CFDP1: variants seen among roughly 807,000 people sequenced by gnomAD.
The protein encoded by CFDP1 is heterochromatin-stabilizing protein CFDP1.
CFDP1 carries 31 observed loss-of-function variants against 40.1 expected under a neutral mutation model. That is an observed-to-expected ratio of 0.77 (90% CI 0.58 to 1.04). CFDP1 has a LOEUF of 1.04. Among genes scored for constraint, CFDP1 ranks in the 50% least tolerant of loss-of-function variants. The pLI, the probability that CFDP1 is intolerant of heterozygous loss-of-function variation, is 0.00. For missense variants in CFDP1, 423 were observed against 343.4 expected, an observed-to-expected ratio of 1.23 and a Z score of -1.83; for synonymous variants, 167 against 120.0, an observed-to-expected ratio of 1.39 and a Z score of -2.56.
intron 4 of CFDP1, among the ~76,000 whole-genome samples, chr16:75,398,570 T>G (rs1224083808): frequency 6.6e-6 from 1 of 152,202 alleles, no homozygotes; most frequent in African/African-American, 2.4e-5. Context: ...TGTCTGTCTG[T>G]CCCTGTGTCT....
chr16:75,393,359 T>C (rs902413928), intron 5 of CFDP1, among the ~76,000 whole-genome samples: 1 of 152,136 alleles, frequency 6.6e-6, no homozygotes, highest in African/African-American at 2.4e-5. Context: ...TCAGGGTCTA[T>C]TTCTGGGTAA....
intron 1 of CFDP1, among the ~76,000 whole-genome samples, chr16:75,422,770 CAGG>C (rs1322960425): frequency 6.6e-6 from 1 of 152,010 alleles, no homozygotes; most frequent in African/African-American, 2.4e-5. Context: ...CGCTTGAGGC[CAGG>C]AGTTCAACGT....
chr16:75,305,155 G>A lies in CFDP1; in HGVS notation c.678C>T (p.Ser226=). ...TCTTGGCACCAATTTTCCCCAAAAG[G>A]CTGCTCATGCCACTTGATCTTTTTA... ...SGLKRSSGMS[S]LLGKIGAKKQ... is the part of the protein sequence containing the mutation. The change falls in exon 6 of 7, where the codon AGC becomes AGT. Residue 226 remains serine (S), a synonymous_variant. Transcript: ENST00000283882. 4 of 1,614,082 alleles carry A rather than the reference G, an allele frequency of 2.5e-6. No individual in the cohort carries two copies. The highest frequency in any genetic ancestry group is 3.4e-6 in the Non-Finnish European group (4 of 1,180,018).
chr16:75,433,086 G>C (rs1012620678), intron 1 of CFDP1, among the ~76,000 whole-genome samples: 8 of 152,314 alleles, frequency 5.3e-5, no homozygotes, highest in African/African-American at 1.2e-4. Flanking sequence ...GCTGCCCAAC[G>C]GGAGGGGAGC....
At chr16:75,315,979 T>G (rs1457956152) in intron 5 of CFDP1, among the ~76,000 whole-genome samples, 12 of 152,182 alleles carry the variant, frequency 7.9e-5, no homozygotes, top group Admixed American at 7.2e-4. Context: ...TGCCTTTGGT[T>G]TTGTTGTTTT....
At chr16:75,402,247 A>G (rs2079062058) in intron 4 of CFDP1, among the ~76,000 whole-genome samples, 1 of 152,238 alleles carries the variant, frequency 6.6e-6, no homozygotes, top group South Asian at 2.1e-4. Flanking sequence ...AAGGCCTATT[A>G]TTAGTAATAG....
intron 5 of CFDP1, among the ~76,000 whole-genome samples, chr16:75,312,650 CAT>C (rs2078300670): frequency 2.0e-5 from 3 of 152,164 alleles, no homozygotes; most frequent in South Asian, 2.1e-4. Flanking sequence ...TCTCCAGAAA[CAT>C]ATTACAGAAA....
chr16:75,349,161 C>T (rs2078590313), intron 5 of CFDP1, among the ~76,000 whole-genome samples: 2 of 152,164 alleles, frequency 1.3e-5, no homozygotes, highest in African/African-American at 4.8e-5. Context: ...TGAGCCACTG[C>T]ACCAGGGCTG....
At chr16:75,424,280 T>C (rs370849274) in intron 1 of CFDP1, among the ~76,000 whole-genome samples, 4 of 152,324 alleles carry the variant, frequency 2.6e-5, no homozygotes, top group African/African-American at 7.2e-5. Context: ...CCTCAGTTTT[T>C]TCATCAGTAA....
At chr16:75,421,359 T>C (rs987634861) in intron 1 of CFDP1, among the ~76,000 whole-genome samples, 1 of 152,150 alleles carries the variant, frequency 6.6e-6, no homozygotes, top group African/African-American at 2.4e-5. Flanking sequence ...AGCTAAACTA[T>C]GGAAAAGTCC....
At chr16:75,412,020 A>AT (rs879606917) in intron 3 of CFDP1, 68 bp from the exon 4 acceptor site, 2,171 of 1,380,724 alleles carry the variant, frequency 1.6e-3, no homozygotes, top group Non-Finnish European at 1.7e-3. Flanking sequence ...GATACTTTTT[A>AT]TTTTTTTTTC....
At chr16:75,348,054 A>G (rs897859732) in intron 5 of CFDP1, among the ~76,000 whole-genome samples, 2 of 152,222 alleles carry the variant, frequency 1.3e-5, no homozygotes, top group Non-Finnish European at 2.9e-5. Context: ...ACAAACGGTT[A>G]TTAGTGGGAA....
At chr16:75,299,334 T>C (rs2078205729) in intron 6 of CFDP1, among the ~76,000 whole-genome samples, 1 of 151,938 alleles carries the variant, frequency 6.6e-6, no homozygotes, top group Non-Finnish European at 1.5e-5. Context: ...ACGCCTGTAA[T>C]CCCAGCACTT....
chr16:75,307,904 C>T (rs927000502), intron 5 of CFDP1, among the ~76,000 whole-genome samples: 12 of 152,196 alleles, frequency 7.9e-5, no homozygotes, highest in African/African-American at 2.9e-4. Flanking sequence ...CCTTCCCTAA[C>T]CTCTAGATTA....
chr16:75,331,048 TTCA>T (rs1160102142), intron 5 of CFDP1, among the ~76,000 whole-genome samples: 18 of 151,772 alleles, frequency 1.2e-4, no homozygotes, highest in African/African-American at 4.4e-4. Context: ...TTCACAGCTA[TTCA>T]GGACAGGCCT....
chr16:75,368,875 T>A (rs908905409), intron 5 of CFDP1, among the ~76,000 whole-genome samples: 3 of 152,118 alleles, frequency 2.0e-5, no homozygotes, highest in African/African-American at 4.8e-5. Flanking sequence ...TAAAAAGTTG[T>A]TTGTTTGTTT....
chr16:75,373,503 T>C (rs2078768817), intron 5 of CFDP1, among the ~76,000 whole-genome samples: 1 of 152,152 alleles, frequency 6.6e-6, no homozygotes, highest in Admixed American at 6.6e-5. Flanking sequence ...CAACGCTGGA[T>C]TCTTTTTCTC....
At chr16:75,376,522 G>C (rs183791693) in intron 5 of CFDP1, among the ~76,000 whole-genome samples, 1 of 152,144 alleles carries the variant, frequency 6.6e-6, no homozygotes, top group African/African-American at 2.4e-5. Context: ...TTTCCATGAC[G>C]TTCTGGAAAA....
chr16:75,370,206 C>T (rs891790277), intron 5 of CFDP1, among the ~76,000 whole-genome samples: 12 of 151,892 alleles, frequency 7.9e-5, no homozygotes, highest in African/African-American at 1.5e-4. Flanking sequence ...GATTCTCCTG[C>T]CTTGGCCTCC....
Sources: gnomAD v4.1 joint callset for allele counts (sites outside exome capture counted in the v4.1 genomes callset) on GRCh38, gnomAD v4.1.1 for gene constraint, MANE v1.5 for transcripts, NCBI Gene and HGNC (gene_info 2026-07-23, HGNC 2026-07-21) for gene names.